Variants in SLC10A6 observed in about 807,000 individuals in gnomAD.
The protein encoded by SLC10A6 is solute carrier family 10 member 6.
A neutral mutation model predicts 30.0 loss-of-function variants in SLC10A6; 27 were observed. That is an observed-to-expected ratio of 0.90 (90% CI 0.66 to 1.24). SLC10A6 has a LOEUF of 1.24. Among genes scored for constraint, SLC10A6 ranks in the 50% most tolerant of loss-of-function variants. The probability of loss-of-function intolerance (pLI) is 0.00; values close to 1 mark genes in which losing one functional copy is unlikely to be tolerated. For missense variants in SLC10A6, 439 were observed against 457.0 expected (o/e 0.96, Z 0.36); for synonymous variants, 166 against 173.8 (o/e 0.95, Z 0.36).
chr4:86,849,197 A>G lies in SLC10A6; in HGVS notation c.-82T>C. Reference sequence around the variant, plus strand: ...GGTCTATCCTGCCACATTTTGTAATAGTGCAACGAAGTCACACATGGAGAA... The same window carrying G: ...GGTCTATCCTGCCACATTTTGTAATGGTGCAACGAAGTCACACATGGAGAA... On this transcript the variant is annotated 5_prime_UTR_variant, in exon 1 of 6. Transcript: ENST00000273905. The G allele has an allele frequency of 2.7e-6, 4 of 1,463,542 alleles. No individual in the cohort carries two copies. The highest frequency in any genetic ancestry group is 3.7e-6 in the Non-Finnish European group (4 of 1,086,586). 90.7% of individuals were successfully genotyped at this position (1,463,542 alleles called of 1,614,324 possible).
chr4:86,828,687 G>A (rs1258870630), intron 3 of SLC10A6, among the ~76,000 whole-genome samples: 1 of 152,022 alleles, frequency 6.6e-6, no homozygotes. Flanking sequence ...TTCTTCATTG[G>A]ACAATCTGAG....
intron 1 of SLC10A6, among the ~76,000 whole-genome samples, chr4:86,847,684 G>C (rs529476636): frequency 2.6e-5 from 4 of 152,070 alleles, no homozygotes; most frequent in Non-Finnish European, 5.9e-5. Context: ...TAAACATTCA[G>C]CACAAGCGGA....
At chr4:86,829,465 C>T (rs1746045755) in intron 3 of SLC10A6, among the ~76,000 whole-genome samples, 1 of 151,958 alleles carries the variant, frequency 6.6e-6, no homozygotes, top group Admixed American at 6.6e-5. Flanking sequence ...CTTCCTCTCT[C>T]TACCAAAGAT....
chr4:86,833,871 A>G (rs1053181129), intron 1 of SLC10A6, among the ~76,000 whole-genome samples: 4 of 151,906 alleles, frequency 2.6e-5, no homozygotes, highest in Admixed American at 2.0e-4. Flanking sequence ...TCACTCCCCA[A>G]TCCCTCCTTC....
chr4:86,832,602 A>C (rs1028128379), intron 2 of SLC10A6, among the ~76,000 whole-genome samples: 27 of 151,432 alleles, frequency 1.8e-4, no homozygotes, highest in Admixed American at 1.7e-3. Flanking sequence ...AAAAAAAAAA[A>C]CAAAAAAACA....
chr4:86,841,607 G>C (rs1746291567), intron 1 of SLC10A6, among the ~76,000 whole-genome samples: 1 of 152,174 alleles, frequency 6.6e-6, no homozygotes. Flanking sequence ...TATTCAGCAA[G>C]TCTAGACAAA....
chr4:86,834,204 A>C (rs868656419), intron 1 of SLC10A6, among the ~76,000 whole-genome samples: 1 of 152,082 alleles, frequency 6.6e-6, no homozygotes, highest in African/African-American at 2.4e-5. Context: ...AGTTGTTAAA[A>C]AGAGTCTGAC....
chr4:86,825,727 T>C (rs1417172613), intron 4 of SLC10A6, 150 bp from the exon 5 acceptor site: 1 of 861,790 alleles, frequency 1.2e-6, no homozygotes, highest in Non-Finnish European at 1.7e-6. Flanking sequence ...GTGCCTATTC[T>C]GCAGGTGGTC....
Position 86,848,792 on chromosome 4 carries a change from C to A in SLC10A6, c.324G>T (p.Gly108=). Residue 108 remains glycine (G), a synonymous_variant, in exon 1 of 6, where the codon GGG becomes GGT. Coordinates refer to ENST00000273905, the MANE Select transcript of SLC10A6 (RefSeq NM_197965.3). Reference sequence around the variant, plus strand: ...AGGTGAAAATGTTAGAGATGGTGCCCCCCGGGCAGCAGCCCATGATGAGAA... The same window carrying A: ...AGGTGAAAATGTTAGAGATGGTGCCACCCGGGCAGCAGCCCATGATGAGAA... ...IAVLIMGCCP[G]GTISNIFTFW... 1 of 1,612,574 alleles carries A rather than the reference C, an allele frequency of 6.2e-7. No homozygotes were observed. The highest frequency in any genetic ancestry group is 8.5e-7 in the Non-Finnish European group (1 of 1,179,330).
chr4:86,835,367 G>A (rs1188277039), intron 1 of SLC10A6, among the ~76,000 whole-genome samples: 2 of 152,120 alleles, frequency 1.3e-5, no homozygotes, highest in East Asian at 3.9e-4. Flanking sequence ...GTGATCCTAT[G>A]ATTAGAAACT....
intron 5 of SLC10A6, among the ~76,000 whole-genome samples, chr4:86,824,675 G>T (rs1436352282): frequency 6.6e-6 from 1 of 151,504 alleles, no homozygotes; most frequent in Non-Finnish European, 1.5e-5. Flanking sequence ...ATCTTATCAC[G>T]CAGGTAGTGA....
intron 1 of SLC10A6, among the ~76,000 whole-genome samples, chr4:86,836,903 GCC>G (rs1746194615): frequency 6.6e-6 from 1 of 151,818 alleles, no homozygotes; most frequent in Admixed American, 6.6e-5. Context: ...GATTACAGAT[GCC>G]CACCACCACA....
rs543824151 is a variant in SLC10A6 at position 86,831,915 on chromosome 4, C to T, written c.497-35G>A. 8.4e-5 allele frequency: 130 copies of T among 1,549,868 alleles called. 5 individuals are homozygous for T. The South Asian group carries it at 1.3e-3, about 15-fold the overall frequency. On this transcript the variant is annotated intron_variant, in intron 2 of 5. Coordinates refer to ENST00000273905, the MANE Select transcript of SLC10A6 (RefSeq NM_197965.3). ...AGAAAAATCCATGAGAGGGTTTTCC[C>T]TCTCACCCTGACTGCACAGTACTTC...
chr4:86,825,542 T>C lies in SLC10A6; in HGVS notation c.797A>G (p.Asn266Ser). ...RTISLETGAQ[N>S]IQMCITMLQL... is the part of the protein sequence containing the mutation. ...GAGCATGGTGATGCACATCTGAATA[T>C]TCTGAGCTCCAGTTTCTAAGGAAAT... is the stretch of plus-strand genomic sequence containing the variant. Residue 266 changes from asparagine (N) to serine (S), a missense_variant, in exon 5 of 6, where the codon AAT (asparagine) becomes AGT (serine). Asn to Ser is a conservative substitution (Grantham distance 46). Transcript: ENST00000273905. 3 of 1,608,628 alleles carry C rather than the reference T, an allele frequency of 1.9e-6. No homozygotes were observed.
intron 1 of SLC10A6, among the ~76,000 whole-genome samples, chr4:86,846,624 G>A (rs898162367): frequency 6.6e-6 from 1 of 152,154 alleles, no homozygotes; most frequent in Admixed American, 6.5e-5. Context: ...TACTCAGGAG[G>A]CTGAGGCAGG....
chr4:86,838,266 T>C (rs1244304119), intron 1 of SLC10A6, among the ~76,000 whole-genome samples: 1 of 152,196 alleles, frequency 6.6e-6, no homozygotes, highest in Non-Finnish European at 1.5e-5. Context: ...TTTATTGACA[T>C]TGGCTCATGA....
At chr4:86,828,500 T>G (rs1746032619) in intron 3 of SLC10A6, among the ~76,000 whole-genome samples, 1 of 151,986 alleles carries the variant, frequency 6.6e-6, no homozygotes, top group South Asian at 2.1e-4. Context: ...ATGAATGGAA[T>G]CTGACAATGA....
chr4:86,832,094 A>G (rs780207292), intron 2 of SLC10A6, among the ~76,000 whole-genome samples: 20 of 152,248 alleles, frequency 1.3e-4, no homozygotes, highest in Non-Finnish European at 2.9e-4. Context: ...AGAACATATT[A>G]TCAAAGCAGA....
At chr4:86,836,563 C>T (rs1746188321) in intron 1 of SLC10A6, among the ~76,000 whole-genome samples, 1 of 152,160 alleles carries the variant, frequency 6.6e-6, no homozygotes, top group Non-Finnish European at 1.5e-5. Context: ...ACAATAGATG[C>T]CAGCACCTTC....
Sources: gnomAD v4.1 joint callset for allele counts (sites outside exome capture counted in the v4.1 genomes callset) on GRCh38, gnomAD v4.1.1 for gene constraint, MANE v1.5 for transcripts, NCBI Gene and HGNC (gene_info 2026-07-23, HGNC 2026-07-21) for gene names.